Variants in SENP8 observed in about 807,000 individuals in gnomAD.
SENP8 encodes the protein SUMO peptidase family member, NEDD8 specific, also known as sentrin-specific protease 8.
A neutral mutation model predicts 14.4 loss-of-function variants in SENP8; 10 were observed. That is an observed-to-expected ratio of 0.69 (90% CI 0.43 to 1.18). The LOEUF is 1.18. SENP8 is among the 50% of genes most tolerant of loss of function. SENP8 has a pLI of 0.00. For missense variants in SENP8, 202 were observed against 249.4 expected, an observed-to-expected ratio of 0.81 and a Z score of 1.28; for synonymous variants, 94 against 95.5, an observed-to-expected ratio of 0.98 and a Z score of 0.09.
At chr15:72,130,613 G>C (rs1287368801) in intron 1 of SENP8, among the ~76,000 whole-genome samples, 1 of 147,458 alleles carries the variant, frequency 6.8e-6, no homozygotes, top group Non-Finnish European at 1.5e-5. Context: ...CCCCAGGCTG[G>C]AGTGCAATGG....
chr15:72,128,932 T>C (rs1258247289), intron 1 of SENP8, among the ~76,000 whole-genome samples: 4 of 152,242 alleles, frequency 2.6e-5, no homozygotes, highest in Non-Finnish European at 4.4e-5. Flanking sequence ...GCTGTTTCTC[T>C]CTTTTTATTT....
chr15:72,140,317 T>G lies in SENP8; in HGVS notation c.*55T>G. Reference sequence around the variant, plus strand: ...GCTCCTCTTTCTGCCCTTCCCCATTTGTTGGATGGCTGCAATCTCAGTGCC... The same window carrying G: ...GCTCCTCTTTCTGCCCTTCCCCATTGGTTGGATGGCTGCAATCTCAGTGCC... On this transcript the variant is annotated 3_prime_UTR_variant, in exon 2 of 2. Transcript: ENST00000340912. 7.7e-7 allele frequency: 1 copy of G among 1,301,732 alleles called. No homozygotes were observed. Among genetic ancestry groups the G allele is most frequent in the South Asian group, 1.3e-5 (1 of 78,038 alleles). 80.6% of individuals were successfully genotyped at this position (1,301,732 alleles called of 1,614,324 possible). A position where few individuals can be genotyped will look rare whatever the true frequency, so the allele number is the denominator to read the frequency against.
intron 1 of SENP8, among the ~76,000 whole-genome samples, chr15:72,135,878 G>C (rs2081323406): frequency 6.6e-6 from 1 of 152,176 alleles, no homozygotes; most frequent in Non-Finnish European, 1.5e-5. Flanking sequence ...TTGAAGACTG[G>C]GTGTGATTTC....
At chr15:72,133,179 GA>G (rs2081292037) in intron 1 of SENP8, among the ~76,000 whole-genome samples, 1 of 151,876 alleles carries the variant, frequency 6.6e-6, no homozygotes, top group African/African-American at 2.4e-5. Context: ...CAAAACAAAA[GA>G]AAAAAATATC....
rs2081381694 is a variant in SENP8 at position 72,141,741 on chromosome 15, A to T, written c.*1479A>T. 1 of 152,246 alleles carries T rather than the reference A, an allele frequency of 6.6e-6. No individual in the cohort carries two copies. The highest frequency in any genetic ancestry group is 2.4e-5 in the African/African-American group (1 of 41,448). 9.4% of individuals were successfully genotyped at this position (152,246 alleles called of 1,614,324 possible). ...AGCTATCAAAAAAAGTTTCCATTTC[A>T]AGTCGGTACATTTTGGATAAAAACC... On this transcript the variant is annotated 3_prime_UTR_variant, in exon 2 of 2. Coordinates refer to ENST00000340912, the MANE Select transcript of SENP8 (RefSeq NM_145204.4).
At chr15:72,137,313 C>T (rs2081336573) in intron 1 of SENP8, among the ~76,000 whole-genome samples, 1 of 149,746 alleles carries the variant, frequency 6.7e-6, no homozygotes, top group East Asian at 2.0e-4. Flanking sequence ...TTTAGAAAAA[C>T]AAGGACAAAG....
chr15:72,142,607 G>A lies in SENP8; in HGVS notation c.*2345G>A, dbSNP rs2081387541. 1 of 152,152 alleles carries A rather than the reference G, an allele frequency of 6.6e-6. No individual in the cohort carries two copies. The highest frequency in any genetic ancestry group is 1.5e-5 in the Non-Finnish European group (1 of 68,034). The allele number at this position is 152,152 out of a possible 1,614,324, so 9.4% of individuals were successfully genotyped here. A position where few individuals can be genotyped will look rare whatever the true frequency, so the allele number is the denominator to read the frequency against. ...GTATAGTCACACTTGTCCAACCCGT[G>A]TCTCAATATGGAATTCAGAAAAGTT... On this transcript the variant is annotated 3_prime_UTR_variant, in exon 2 of 2. Transcript: ENST00000340912.
In SENP8 at chr15:72,141,347, G is replaced by A. The variant is rs2081378868; in HGVS notation, c.*1085G>A. 6.6e-6 allele frequency: 1 copy of A among 152,136 alleles called. No individual in the cohort carries two copies. Among genetic ancestry groups the A allele is most frequent in the Non-Finnish European group, 1.5e-5 (1 of 68,026 alleles). 9.4% of individuals were successfully genotyped at this position (152,136 alleles called of 1,614,324 possible). On this transcript the variant is annotated 3_prime_UTR_variant, in exon 2 of 2. Transcript: ENST00000340912. ...CAGGGAATGTAATTTGTAAAATGTGGAACCAAGAGTAGAACGAAATACTAT... is the reference window on the plus strand; with the variant it reads ...CAGGGAATGTAATTTGTAAAATGTGAAACCAAGAGTAGAACGAAATACTAT...
At chr15:72,126,606 C>T (rs1338116315) in intron 1 of SENP8, among the ~76,000 whole-genome samples, 4 of 132,916 alleles carry the variant, frequency 3.0e-5, no homozygotes, top group African/African-American at 8.7e-5. Context: ...GCCGGGGCGA[C>T]GGAGTGAGAC....
intron 1 of SENP8, among the ~76,000 whole-genome samples, chr15:72,122,117 A>T (rs551985246): frequency 1.3e-5 from 2 of 152,124 alleles, no homozygotes; most frequent in South Asian, 2.1e-4. Flanking sequence ...AACTTCTTGG[A>T]TGGGAAAGAA....
upstream of SENP8, among the ~76,000 whole-genome samples, chr15:72,116,614 C>T (rs1283429585): frequency 6.6e-6 from 1 of 151,928 alleles, no homozygotes; most frequent in African/African-American, 2.4e-5. Context: ...TCTAGCAAAT[C>T]CAAAAAACAG....
upstream of SENP8, chr15:72,117,966 G>T: frequency 2.5e-6 from 1 of 400,744 alleles, no homozygotes; most frequent in South Asian, 1.3e-4. Flanking sequence ...GCCAGCGGCC[G>T]CCTCTGCCGG....
chr15:72,132,174 G>C (rs998744078), intron 1 of SENP8, among the ~76,000 whole-genome samples: 1 of 152,076 alleles, frequency 6.6e-6, no homozygotes, highest in Non-Finnish European at 1.5e-5. Flanking sequence ...TATGTGTTTG[G>C]TAAGATTTTA....
At chr15:72,132,100 C>T (rs1396649583) in intron 1 of SENP8, among the ~76,000 whole-genome samples, 1 of 152,138 alleles carries the variant, frequency 6.6e-6, no homozygotes, top group African/African-American at 2.4e-5. Context: ...CCCACGATCA[C>T]TTAAATAGTA....
chr15:72,128,102 G>A (rs987729140), intron 1 of SENP8, among the ~76,000 whole-genome samples: 4 of 151,472 alleles, frequency 2.6e-5, no homozygotes, highest in Non-Finnish European at 5.9e-5. Flanking sequence ...AAGAAAGAGA[G>A]AGGGAAAGGG....
chr15:72,139,518 A>T, intron 1 of SENP8, 59 bp from the exon 2 acceptor site: 1 of 1,439,470 alleles, frequency 6.9e-7, no homozygotes. Context: ...AAAAGTAACT[A>T]CTATTTTCCA....
chr15:72,134,845 C>G (rs1337894218), intron 1 of SENP8: 1 of 284,108 alleles, frequency 3.5e-6, no homozygotes, highest in East Asian at 9.6e-5. Flanking sequence ...CAGTGATACC[C>G]AGCATGATGT....
rs1304241844 is a variant in SENP8 at position 72,142,855 on chromosome 15, A to T, written c.*2593A>T. 6.6e-6 allele frequency: 1 copy of T among 152,216 alleles called. No homozygotes were observed. The highest frequency in any genetic ancestry group is 1.5e-5 in the Non-Finnish European group (1 of 68,046). 9.4% of individuals were successfully genotyped at this position (152,216 alleles called of 1,614,324 possible). ...ATTTTACAATATGCATATTGACCGT[A>T]TGTTTTAATAACACATTCCATTGAA... is the stretch of plus-strand genomic sequence containing the variant. On this transcript the variant is annotated 3_prime_UTR_variant, in exon 2 of 2. Coordinates refer to ENST00000340912, the MANE Select transcript of SENP8 (RefSeq NM_145204.4).
chr15:72,116,076 A>G (rs139050683), upstream of SENP8, among the ~76,000 whole-genome samples: 132 of 152,350 alleles, frequency 8.7e-4, no homozygotes, highest in East Asian at 0.025. Flanking sequence ...TCTTAAAAAT[A>G]TAAATGTGTA....
Sources: allele counts gnomAD v4.1 joint callset (sites outside exome capture counted in the v4.1 genomes callset), GRCh38; gene constraint gnomAD v4.1.1; transcripts MANE v1.5; gene names NCBI Gene and HGNC (gene_info 2026-07-23, HGNC 2026-07-21).